Variants in ASIC2 observed in about 807,000 individuals in gnomAD.
ASIC2 encodes acid-sensing ion channel 2.
A neutral mutation model predicts 57.3 loss-of-function variants in ASIC2; 25 were observed. The observed-to-expected ratio is 0.44, with a 90% CI of 0.32 to 0.61. The LOEUF is 0.61. Among genes scored for constraint, ASIC2 ranks in the 20% least tolerant of loss-of-function variants. The pLI is 0.06. For missense variants in ASIC2, 641 were observed against 738.1 expected, an observed-to-expected ratio of 0.87 and a Z score of 1.52; for synonymous variants, 319 against 307.5, an observed-to-expected ratio of 1.04 and a Z score of -0.39.
chr17:33,066,504 C>T (rs187868856), intron 3 of ASIC2, among the ~76,000 whole-genome samples: 3 of 152,232 alleles, frequency 2.0e-5, no homozygotes, highest in East Asian at 1.9e-4. Flanking sequence ...AGACAAGACA[C>T]GTACATATTG....
chr17:33,959,567 G>A (rs1904854016), intron 1 of ASIC2, among the ~76,000 whole-genome samples: 1 of 152,208 alleles, frequency 6.6e-6, no homozygotes, highest in African/African-American at 2.4e-5. Flanking sequence ...CTGACCACTG[G>A]TGTAAGTCCA....
At chr17:34,070,668 C>T (rs893301834) in intron 1 of ASIC2, 2 of 152,278 alleles carry the variant, frequency 1.3e-5, no homozygotes, top group East Asian at 1.9e-4. Context: ...TTGCTGACCA[C>T]TCTCTCCCAC....
chr17:33,643,360 A>G (rs761370181), intron 1 of ASIC2, among the ~76,000 whole-genome samples: 4 of 152,186 alleles, frequency 2.6e-5, no homozygotes, highest in Non-Finnish European at 5.9e-5. Context: ...GTGCTCTATG[A>G]CATTTTCTAT....
chr17:33,732,278 A>G (rs145710250), intron 1 of ASIC2, among the ~76,000 whole-genome samples: 2,002 of 152,322 alleles, frequency 0.013, 46 homozygotes, highest in African/African-American at 0.045. Flanking sequence ...AAGGCCAGGA[A>G]GACCAAAGGA....
intron 1 of ASIC2, among the ~76,000 whole-genome samples, chr17:33,382,919 T>C (rs1909540271): frequency 6.6e-6 from 1 of 152,172 alleles, no homozygotes; most frequent in African/African-American, 2.4e-5. Context: ...CCATGTCTCT[T>C]TCTGGTCCAT....
intron 1 of ASIC2, among the ~76,000 whole-genome samples, chr17:33,477,749 T>C (rs1420571061): frequency 1.3e-5 from 2 of 152,184 alleles, no homozygotes; most frequent in Non-Finnish European, 2.9e-5. Context: ...GGCCATGGTG[T>C]CCCACACTAG....
chr17:34,077,975 G>A (rs1909734310), intron 1 of ASIC2, among the ~76,000 whole-genome samples: 1 of 152,072 alleles, frequency 6.6e-6, no homozygotes, highest in Non-Finnish European at 1.5e-5. Flanking sequence ...AAGTTATAGA[G>A]GGCCAGCTCT....
At chr17:33,334,587 T>C (rs1274870144) in intron 1 of ASIC2, among the ~76,000 whole-genome samples, 1 of 152,170 alleles carries the variant, frequency 6.6e-6, no homozygotes, top group Non-Finnish European at 1.5e-5. Context: ...TGAGAGGAAG[T>C]TTAACCAAAG....
chr17:33,902,454 G>C (rs1175824113), intron 1 of ASIC2, among the ~76,000 whole-genome samples: 1 of 152,184 alleles, frequency 6.6e-6, no homozygotes, highest in Non-Finnish European at 1.5e-5. Context: ...TAATTTTGAG[G>C]TCACCTCTGT....
At chr17:33,529,816 T>C (rs1166796902) in intron 1 of ASIC2, 1 of 152,234 alleles carries the variant, frequency 6.6e-6, no homozygotes, top group African/African-American at 2.4e-5. Context: ...AATAGAGTGC[T>C]TGCTTGTACT....
intron 1 of ASIC2, among the ~76,000 whole-genome samples, chr17:33,914,419 G>A (rs769747890): frequency 3.9e-5 from 6 of 152,160 alleles, no homozygotes; most frequent in East Asian, 1.9e-4. Flanking sequence ...CCTTCAATTC[G>A]TGTGCAATAG....
At chr17:33,659,123 G>A (rs1907169283) in intron 1 of ASIC2, among the ~76,000 whole-genome samples, 1 of 152,238 alleles carries the variant, frequency 6.6e-6, no homozygotes, top group African/African-American at 2.4e-5. Flanking sequence ...GCAGCACGCA[G>A]GGCGGAGGGT....
rs555560795 is a variant in ASIC2, at chr17:33,840,910, T to A, written c.555+315068A>T. ...CATTAACAAAATTGGAGCATCTTAGTCTGTCATGAAGAAAGGAGTGGCTAT... is the reference window on the plus strand; with the variant it reads ...CATTAACAAAATTGGAGCATCTTAGACTGTCATGAAGAAAGGAGTGGCTAT... On this transcript the variant is annotated intron_variant, in intron 1 of 9. Transcript: ENST00000359872. Among the ~76,000 whole-genome samples, 3 of 152,188 alleles carry A rather than the reference T, an allele frequency of 2.0e-5. No homozygotes were observed. The South Asian group carries it at 6.2e-4, about 32-fold the overall frequency.
intron 1 of ASIC2, among the ~76,000 whole-genome samples, chr17:33,170,495 A>G (rs1038281778): frequency 2.6e-5 from 4 of 152,192 alleles, no homozygotes; most frequent in African/African-American, 9.7e-5. Flanking sequence ...GAGCTCTGGA[A>G]AAATATCCAG....
intron 1 of ASIC2, among the ~76,000 whole-genome samples, chr17:33,838,585 C>T (rs1325373996): frequency 6.6e-6 from 1 of 152,124 alleles, no homozygotes; most frequent in East Asian, 1.9e-4. Flanking sequence ...CAGTTGTAGC[C>T]TTTGAAATAT....
chr17:33,183,041 C>T (rs967858266), intron 1 of ASIC2, among the ~76,000 whole-genome samples: 3 of 152,102 alleles, frequency 2.0e-5, no homozygotes, highest in Admixed American at 2.0e-4. Flanking sequence ...TTCATCTTCC[C>T]CATTTTACAG....
intron 1 of ASIC2, among the ~76,000 whole-genome samples, chr17:34,106,962 T>C (rs745575825): frequency 1.3e-5 from 2 of 152,180 alleles, no homozygotes; most frequent in Non-Finnish European, 2.9e-5. Flanking sequence ...AAGAAATACA[T>C]GCATGGACAT....
rs1366013007 is a variant in ASIC2 at position 33,448,302 on chromosome 17, T to A, written c.556-336235A>T. On this transcript the variant is annotated intron_variant, in intron 1 of 9. Transcript: ENST00000359872. ...CTACCTTCATTAGAATGTGAATACT[T>A]GACGGCTGTTTAGTGGGCTGAATGG... Among the ~76,000 whole-genome samples the A allele has an allele frequency of 2.6e-5, 4 of 152,232 alleles. No homozygotes were observed. The East Asian group carries it at 7.7e-4, about 29-fold the overall frequency.
chr17:33,022,341 G>A (rs1004468427), intron 6 of ASIC2, among the ~76,000 whole-genome samples: 1 of 152,130 alleles, frequency 6.6e-6, no homozygotes, highest in South Asian at 2.1e-4. Flanking sequence ...TCAAATGCTC[G>A]TTGGCCACAT....
Sources: gnomAD v4.1 joint callset for allele counts (sites outside exome capture counted in the v4.1 genomes callset) on GRCh38, gnomAD v4.1.1 for gene constraint, MANE v1.5 for transcripts, NCBI Gene and HGNC (gene_info 2026-07-23, HGNC 2026-07-21) for gene names.